CPED1: variants seen among roughly 807,000 people sequenced by gnomAD.
The protein encoded by CPED1 is cadherin-like and PC-esterase domain-containing protein 1.
Under a neutral mutation model 128.2 loss-of-function variants are expected in CPED1, and 114 were observed. That is an observed-to-expected ratio of 0.89 (90% CI 0.76 to 1.04). CPED1 has a LOEUF of 1.04. CPED1 is among the 50% of genes least tolerant of loss of function. The pLI is 0.00. For synonymous variants in CPED1, 462 were observed against 426.7 expected, an observed-to-expected ratio of 1.08 and a Z score of -1.02; for missense variants, 1,211 against 1,207.1, an observed-to-expected ratio of 1.00 and a Z score of -0.05.
intron 5 of CPED1, among the ~76,000 whole-genome samples, chr7:121,072,498 T>G (rs552949955): frequency 6.6e-6 from 1 of 152,282 alleles, no homozygotes; most frequent in East Asian, 1.9e-4. Context: ...TTCCTAATGC[T>G]TTTTTCAATT....
In CPED1 at chr7:121,127,263, T is replaced by G. The variant is rs769616804; in HGVS notation, c.1302+6T>G. 1.3e-6 allele frequency: 2 copies of G among 1,533,990 alleles called. No individual in the cohort carries two copies. Among genetic ancestry groups the G allele is most frequent in the Non-Finnish European group, 8.9e-7 (1 of 1,119,566 alleles). On this transcript the variant is annotated splice_donor_region_variant and intron_variant, in intron 10 of 22. Coordinates refer to ENST00000310396, the MANE Select transcript of CPED1 (RefSeq NM_024913.5). Reference sequence around the variant, plus strand: ...ATAGATCAGATGTTTTCAAGGTAAGTGCATATTTGTGTACTGATAAATATT... The same window carrying G: ...ATAGATCAGATGTTTTCAAGGTAAGGGCATATTTGTGTACTGATAAATATT...
At chr7:121,289,613 C>T (rs899985333) in intron 22 of CPED1, among the ~76,000 whole-genome samples, 2 of 151,994 alleles carry the variant, frequency 1.3e-5, no homozygotes, top group Non-Finnish European at 2.9e-5. Flanking sequence ...TTTCATTGCA[C>T]TACCTTATAT....
chr7:121,098,799 T>C (rs1475837626), intron 6 of CPED1, among the ~76,000 whole-genome samples: 2 of 143,372 alleles, frequency 1.4e-5, no homozygotes, highest in Middle Eastern at 3.3e-3. Context: ...TAAAAATATA[T>C]ATAAATATAT....
At chr7:121,212,832 AT>A (rs931074050) in intron 16 of CPED1, among the ~76,000 whole-genome samples, 9 of 151,976 alleles carry the variant, frequency 5.9e-5, no homozygotes, top group Non-Finnish European at 1.0e-4. Context: ...ATATGTAAAT[AT>A]TTTTTTCATT....
intron 5 of CPED1, among the ~76,000 whole-genome samples, chr7:121,073,666 G>C (rs1014087871): frequency 6.6e-6 from 1 of 152,044 alleles, no homozygotes; most frequent in Non-Finnish European, 1.5e-5. Flanking sequence ...TCTTCTTCAT[G>C]ATCTGGTACT....
At chr7:121,102,709 A>G (rs1243322546) in intron 7 of CPED1, among the ~76,000 whole-genome samples, 1 of 152,124 alleles carries the variant, frequency 6.6e-6, no homozygotes, top group Non-Finnish European at 1.5e-5. Flanking sequence ...AGGAACAACC[A>G]ATAATTGCCC....
intron 3 of CPED1, among the ~76,000 whole-genome samples, chr7:121,027,661 C>T (rs1389115988): frequency 6.6e-6 from 1 of 151,656 alleles, no homozygotes; most frequent in Non-Finnish European, 1.5e-5. Context: ...CTCTTTGTAA[C>T]ATTCTTTCAG....
chr7:121,201,598 C>G (rs909940743), intron 16 of CPED1, among the ~76,000 whole-genome samples: 4 of 152,150 alleles, frequency 2.6e-5, no homozygotes, highest in African/African-American at 9.6e-5. Flanking sequence ...GACTTCTTTG[C>G]AGCTTTTTGT....
At chr7:121,190,496 A>G (rs774461413) in intron 16 of CPED1, among the ~76,000 whole-genome samples, 7 of 151,888 alleles carry the variant, frequency 4.6e-5, no homozygotes, top group Non-Finnish European at 1.0e-4. Flanking sequence ...TTTTAAAAAG[A>G]TATGTCTGAA....
In CPED1 at chr7:121,007,164, C is replaced by T. The variant is rs1007507900; in HGVS notation, c.250-8501C>T. On this transcript the variant is annotated intron_variant, in intron 2 of 22. Transcript: ENST00000310396. ...GGGAAGGAAGGAGCCTCACTGGAGCCGAAGCTATACCCAGCATGATTCTAC... is the reference window on the plus strand; with the variant it reads ...GGGAAGGAAGGAGCCTCACTGGAGCTGAAGCTATACCCAGCATGATTCTAC... 3.3e-5 allele frequency among the ~76,000 whole-genome samples: 5 copies of T among 151,398 alleles called. No individual in the cohort carries two copies. In the South Asian group the frequency reaches 8.4e-4, roughly 25 times the overall value.
intron 2 of CPED1, among the ~76,000 whole-genome samples, chr7:120,993,038 G>A (rs1321604546): frequency 6.6e-6 from 1 of 151,986 alleles, no homozygotes; most frequent in Non-Finnish European, 1.5e-5. Flanking sequence ...TAATGCAAAG[G>A]GCTTGGCTAA....
intron 22 of CPED1, among the ~76,000 whole-genome samples, chr7:121,286,497 G>A (rs1792577608): frequency 2.0e-5 from 3 of 152,158 alleles, no homozygotes; most frequent in Admixed American, 6.5e-5. Flanking sequence ...CCAAACCTGG[G>A]ATCCTCCTAG....
chr7:121,002,006 T>C (rs991448168), intron 2 of CPED1, among the ~76,000 whole-genome samples: 7 of 152,094 alleles, frequency 4.6e-5, no homozygotes, highest in Non-Finnish European at 8.8e-5. Flanking sequence ...CACATATATA[T>C]ATATAAAACA....
chr7:121,187,376 A>G (rs1474506565), intron 16 of CPED1, among the ~76,000 whole-genome samples: 1 of 152,194 alleles, frequency 6.6e-6, no homozygotes, highest in East Asian at 1.9e-4. Context: ...GTGGCAAGAA[A>G]GAGCTTAGCA....
intron 18 of CPED1, among the ~76,000 whole-genome samples, chr7:121,253,022 T>C (rs978725838): frequency 1.3e-5 from 2 of 152,088 alleles, no homozygotes; most frequent in Admixed American, 1.3e-4. Flanking sequence ...CGTATGTTTA[T>C]TGCGGCACTA....
At chr7:121,244,386 A>C in intron 18 of CPED1, 48 bp downstream of exon 18, 1 of 1,605,472 alleles carries the variant, frequency 6.2e-7, no homozygotes. Context: ...TGCCACCTGA[A>C]GTACTAAAAA....
chr7:121,075,500 TTC>T lies in CPED1; in HGVS notation c.616+11189_616+11190del, dbSNP rs542699519. On this transcript the variant is annotated intron_variant, in intron 5 of 22. Coordinates refer to ENST00000310396, the MANE Select transcript of CPED1 (RefSeq NM_024913.5). ...TTATTTTTTTTGAGGCAGAGTCTTG[TTC>T]TGTCACCCAGGCTGGAGTGCAGTGG... Among the ~76,000 whole-genome samples, 32 of 152,232 alleles carry T rather than the reference TTC, an allele frequency of 2.1e-4. No homozygotes were observed. The South Asian group carries it at 6.0e-3, about 29-fold the overall frequency.
At chr7:121,265,795 A>G (rs1344243200) in intron 18 of CPED1, among the ~76,000 whole-genome samples, 1 of 151,978 alleles carries the variant, frequency 6.6e-6, no homozygotes, top group African/African-American at 2.4e-5. Flanking sequence ...TTCGTCAAGT[A>G]GACACGACCT....
At position 121,074,994 on chromosome 7, in the gene CPED1, G is replaced by A. The variant is rs1240480748; in HGVS notation, c.616+10681G>A. 3.9e-5 allele frequency among the ~76,000 whole-genome samples: 6 copies of A among 152,014 alleles called. No individual in the cohort carries two copies. In the East Asian group the frequency reaches 1.2e-3, roughly 29 times the overall value. On this transcript the variant is annotated intron_variant, in intron 5 of 22. Transcript: ENST00000310396. ...GGATTCATTTATTTTAAAATGGTGG[G>A]CAACTGCAGCTACAGACCTCAATCT... is the stretch of plus-strand genomic sequence containing the variant.
Sources: allele counts gnomAD v4.1 joint callset (sites outside exome capture counted in the v4.1 genomes callset), GRCh38; gene constraint gnomAD v4.1.1; transcripts MANE v1.5; gene names NCBI Gene and HGNC (gene_info 2026-07-23, HGNC 2026-07-21).